BMF: variants seen among roughly 807,000 people sequenced by gnomAD.
BMF encodes the protein Bcl2 modifying factor, also known as bcl-2-modifying factor.
In BMF, 10 loss-of-function variants were observed where a neutral mutation model predicts 22.0. The ratio of observed to expected loss-of-function variants is 0.45; its 90% CI spans 0.28 to 0.77. The LOEUF (loss-of-function observed/expected upper bound fraction) is 0.77. Among genes scored for constraint, BMF ranks in the 30% least tolerant of loss-of-function variants. The pLI, the probability that BMF is intolerant of heterozygous loss-of-function variation, is 0.13. For missense variants in BMF, 206 were observed against 226.8 expected, an observed-to-expected ratio of 0.91 and a Z score of 0.59; for synonymous variants, 87 against 88.1, an observed-to-expected ratio of 0.99 and a Z score of 0.07.
rs560798632 is a variant in BMF, at chr15:40,094,672, TG to T, written c.454-2785del. 6.6e-5 allele frequency among the ~76,000 whole-genome samples: 10 copies of T among 152,302 alleles called. No homozygotes were observed. The South Asian group carries it at 2.1e-3, about 32-fold the overall frequency. ...GTCTCCAGGCCTCTCCCAGACCCAC[TG>T]GGTCAGAATTTCAAGGAAGGGTCCC... On this transcript the variant is annotated intron_variant, in intron 4 of 4. Coordinates refer to ENST00000354670, the MANE Select transcript of BMF (RefSeq NM_001003940.2).
In BMF at chr15:40,105,819, C is replaced by T. The variant is rs772242910; in HGVS notation, c.268G>A (p.Glu90Lys). Residue 90 changes from glutamate (E) to lysine (K), a missense_variant, in exon 3 of 5, where the codon GAG (glutamate) becomes AAG (lysine). Physicochemically the swap from Glu to Lys is moderately conservative, Grantham distance 56. Coordinates refer to ENST00000354670, the MANE Select transcript of BMF (RefSeq NM_001003940.2). ...QGVMLPCGVT[E>K]EPQRLFYGNA... ...CCATAAAAGAGTCGCTGGGGTTCCT[C>T]AGTCACCCCACAAGGCAGCATGACA... is the stretch of plus-strand genomic sequence containing the variant. The T allele has an allele frequency of 5.0e-6, 8 of 1,611,190 alleles. No individual in the cohort carries two copies. The East Asian group carries it at 1.8e-4, about 36-fold the overall frequency.
intron 2 of BMF, among the ~76,000 whole-genome samples, chr15:40,107,367 G>A (rs2036608653): frequency 6.6e-6 from 1 of 152,208 alleles, no homozygotes; most frequent in Non-Finnish European, 1.5e-5. Context: ...TGCTGCCTTT[G>A]CCAAACACAA....
intron 4 of BMF, among the ~76,000 whole-genome samples, chr15:40,098,606 G>A (rs1385073902): frequency 1.3e-5 from 2 of 152,302 alleles, no homozygotes; most frequent in Admixed American, 6.5e-5. Context: ...AAGGAGGAAG[G>A]ATGGAACCCT....
At chr15:40,097,772 C>T (rs539183601) in intron 4 of BMF, among the ~76,000 whole-genome samples, 70 of 152,298 alleles carry the variant, frequency 4.6e-4, no homozygotes, top group Non-Finnish European at 5.3e-4. Flanking sequence ...CAAGGAAAAC[C>T]TGGGACTCAC....
chr15:40,100,939 A>G (rs2036464081), intron 4 of BMF, among the ~76,000 whole-genome samples: 1 of 152,176 alleles, frequency 6.6e-6, no homozygotes, highest in Admixed American at 6.5e-5. Flanking sequence ...ACCAGTGGCC[A>G]CTGTCTAGCC....
At chr15:40,099,607 C>T (rs550772494) in intron 4 of BMF, among the ~76,000 whole-genome samples, 6 of 151,970 alleles carry the variant, frequency 3.9e-5, no homozygotes, top group East Asian at 1.9e-4. Context: ...GGAGAAACCC[C>T]GTCTCTACTA....
chr15:40,103,924 C>T (rs1332591869), intron 4 of BMF, among the ~76,000 whole-genome samples: 1 of 152,246 alleles, frequency 6.6e-6, no homozygotes, highest in Non-Finnish European at 1.5e-5. Context: ...TATTCCCAGA[C>T]TGTAGCCTCT....
intron 4 of BMF, among the ~76,000 whole-genome samples, chr15:40,100,656 G>T (rs568514220): frequency 6.6e-6 from 1 of 152,172 alleles, no homozygotes; most frequent in Non-Finnish European, 1.5e-5. Flanking sequence ...CTGGTAACTC[G>T]GGTGACCAGG....
At chr15:40,102,297 T>G (rs527976244) in intron 4 of BMF, among the ~76,000 whole-genome samples, 2 of 151,610 alleles carry the variant, frequency 1.3e-5, no homozygotes, top group East Asian at 3.9e-4. Context: ...GGTGTGGTGG[T>G]GCGTGCCTAT....
chr15:40,093,200 C>A (rs140201280), intron 4 of BMF, among the ~76,000 whole-genome samples: 1 of 152,224 alleles, frequency 6.6e-6, no homozygotes, highest in Non-Finnish European at 1.5e-5. Flanking sequence ...TTCCCCTTCA[C>A]GCTGCCCTAG....
chr15:40,101,953 C>T (rs1232021358), intron 4 of BMF, among the ~76,000 whole-genome samples: 3 of 152,116 alleles, frequency 2.0e-5, no homozygotes, highest in African/African-American at 4.8e-5. Context: ...GGTAGGGGTA[C>T]AGGAAACCTG....
Position 40,105,857 on chromosome 15 carries a change from G to C in BMF, c.230C>G (p.Ser77Cys). The C allele has an allele frequency of 6.2e-7, 1 of 1,614,148 alleles. No individual in the cohort carries two copies. The highest frequency in any genetic ancestry group is 8.5e-7 in the Non-Finnish European group (1 of 1,180,006). The change falls in exon 3 of 5, where the codon TCC becomes TGC. Residue 77 changes from serine (S) to cysteine (C), a missense_variant. Coordinates refer to ENST00000354670, the MANE Select transcript of BMF (RefSeq NM_001003940.2). ...DKATQTLSPA[S>C]PSQGVMLPCG... ...AGGCAGCATGACACCTTGGCTGGGGGAGGCTGGGCTGAGAGTCTGGGTAGC... is the reference window on the plus strand; with the variant it reads ...AGGCAGCATGACACCTTGGCTGGGGCAGGCTGGGCTGAGAGTCTGGGTAGC...
intron 4 of BMF, among the ~76,000 whole-genome samples, chr15:40,093,906 C>T (rs1425820465): frequency 1.3e-5 from 2 of 152,156 alleles, no homozygotes; most frequent in Non-Finnish European, 2.9e-5. Context: ...TCAGAAGATT[C>T]CCCAGGTGAT....
chr15:40,105,929 G>A lies in BMF; in HGVS notation c.158C>T (p.Thr53Ile). The A allele has an allele frequency of 6.2e-7, 1 of 1,614,208 alleles. No homozygotes were observed. Reference sequence around the variant, plus strand: ...TCGAAGGCCAGGGCCACAGCAGTGGGTGAGAGGGAAGAGCTGAAGTCGGCT... The same window carrying A: ...TCGAAGGCCAGGGCCACAGCAGTGGATGAGAGGGAAGAGCTGAAGTCGGCT... ...PLSRLQLFPL[T>I]HCCGPGLRPT... The change falls in exon 3 of 5, where the codon ACC becomes ATC. Residue 53 changes from threonine (T) to isoleucine (I), a missense_variant. By Grantham distance (89) the Thr-to-Ile change is moderately conservative. Coordinates refer to ENST00000354670, the MANE Select transcript of BMF (RefSeq NM_001003940.2).
At chr15:40,102,298 G>A (rs1414319711) in intron 4 of BMF, among the ~76,000 whole-genome samples, 1 of 151,906 alleles carries the variant, frequency 6.6e-6, no homozygotes, top group Non-Finnish European at 1.5e-5. Flanking sequence ...GTGTGGTGGT[G>A]CGTGCCTATA....
chr15:40,093,482 G>GGCTT lies in BMF; in HGVS notation c.454-1598_454-1595dup, dbSNP rs1270823929. 3.3e-5 allele frequency among the ~76,000 whole-genome samples: 5 copies of GGCTT among 152,266 alleles called. No homozygotes were observed. The East Asian group carries it at 9.6e-4, about 29-fold the overall frequency. ...ATGAGTAAAAAGAGGAAACACACCCGGCTTAACAAAATCTGGTTAGAGTAA... is the reference window on the plus strand; with the variant it reads ...ATGAGTAAAAAGAGGAAACACACCCGGCTTGCTTAACAAAATCTGGTTAGAGTAA... On this transcript the variant is annotated intron_variant, in intron 4 of 4. Transcript: ENST00000354670.
intron 4 of BMF, among the ~76,000 whole-genome samples, chr15:40,093,314 C>A (rs2036284682): frequency 6.6e-6 from 1 of 152,224 alleles, no homozygotes. Flanking sequence ...CTCCTTCCCC[C>A]GTGGAAGAGC....
chr15:40,096,541 C>CA (rs1364901658), intron 4 of BMF, among the ~76,000 whole-genome samples: 10 of 152,192 alleles, frequency 6.6e-5, no homozygotes, highest in Non-Finnish European at 1.3e-4. Flanking sequence ...ATGTGATCCT[C>CA]ACGATAGGAA....
At chr15:40,104,370 A>ACT in intron 3 of BMF, 30 bp from the exon 4 acceptor site, 2 of 1,611,826 alleles carry the variant, frequency 1.2e-6, no homozygotes, top group Non-Finnish European at 1.7e-6. Flanking sequence ...ACATCTCAGC[A>ACT]TTCTCCACAA....
Sources: gnomAD v4.1 joint callset for allele counts (sites outside exome capture counted in the v4.1 genomes callset) on GRCh38, gnomAD v4.1.1 for gene constraint, MANE v1.5 for transcripts, NCBI Gene and HGNC (gene_info 2026-07-23, HGNC 2026-07-21) for gene names.